Variants in CCNA1 observed in about 807,000 individuals in gnomAD.
CCNA1 encodes the protein cyclin-A1.
CCNA1 carries 23 observed loss-of-function variants against 54.1 expected under a neutral mutation model. That is an observed-to-expected ratio of 0.42 (90% CI 0.31 to 0.60). CCNA1 has a LOEUF of 0.60. Ranked by LOEUF, CCNA1 falls within the 20% of genes least tolerant of loss-of-function variation. CCNA1 has a pLI of 0.14. For synonymous variants in CCNA1, 208 were observed against 213.9 expected, an observed-to-expected ratio of 0.97 and a Z score of 0.24; for missense variants, 450 against 556.7, an observed-to-expected ratio of 0.81 and a Z score of 1.93.
intron 2 of CCNA1, 150 bp from the exon 3 acceptor site, chr13:36,437,479 C>CG: frequency 3.3e-5 from 25 of 764,658 alleles, no homozygotes; most frequent in Non-Finnish European, 5.4e-5. Context: ...CTTTTGAAGA[C>CG]CTTTTTTTTT....
rs2137828948 is a variant in CCNA1, at chr13:36,438,815, G to A, written c.841G>A (p.Val281Ile). 1.2e-6 allele frequency: 2 copies of A among 1,614,130 alleles called. No individual in the cohort carries two copies. The highest frequency in any genetic ancestry group is 1.7e-6 in the Non-Finnish European group (2 of 1,180,004). ...GGACAGGTTCCTTTCATGTATGTCT[G>A]TTCTGAGAGGGAAACTGCAGCTCGT... The change falls in exon 5 of 9, where the codon GTT becomes ATT. Residue 281 changes from valine (V) to isoleucine (I), a missense_variant. This residue lies in a region of CCNA1 where 150 missense variants were observed against 219.7 expected (regional missense o/e 0.68). Transcript: ENST00000255465.
chr13:36,435,400 C>T (rs2055790993), intron 2 of CCNA1, among the ~76,000 whole-genome samples: 1 of 152,202 alleles, frequency 6.6e-6, no homozygotes, highest in Non-Finnish European at 1.5e-5. Flanking sequence ...GATGAATGTT[C>T]TCTGTCTCTA....
chr13:36,440,329 A>C, intron 6 of CCNA1, 146 bp downstream of exon 6: 1 of 713,580 alleles, frequency 1.4e-6, no homozygotes, highest in Non-Finnish European at 2.3e-6. Context: ...AAAAGAGCTA[A>C]TTTTAAGAAC....
intron 2 of CCNA1, among the ~76,000 whole-genome samples, chr13:36,434,367 G>C (rs2055775093): frequency 6.6e-6 from 1 of 152,208 alleles, no homozygotes; most frequent in African/African-American, 2.4e-5. Context: ...AACTAGATTA[G>C]AAGCCTCTCA....
Position 36,433,071 on chromosome 13 carries a change from C to T in CCNA1, c.147C>T (p.Asn49=). 2 of 1,614,142 alleles carry T rather than the reference C, an allele frequency of 1.2e-6. No individual in the cohort carries two copies. The highest frequency in any genetic ancestry group is 8.5e-7 in the Non-Finnish European group (1 of 1,179,978). Residue 49 remains asparagine (N), a synonymous_variant, in exon 2 of 9, where the codon AAC becomes AAT. Coordinates refer to ENST00000255465, the MANE Select transcript of CCNA1 (RefSeq NM_003914.4). ...AGTCTGAAGCAATGCACTGCAGCAA[C>T]CCCAAGAGTGGAGTTGTGCTGGCTA...
chr13:36,432,440 GC>G (rs1158275224), upstream of CCNA1: 21 of 65,302 alleles, frequency 3.2e-4, no homozygotes, highest in East Asian at 0.013. Context: ...ACCCTGCCCC[GC>G]CCTGCCCCGC....
At position 36,432,678 on chromosome 13, in the gene CCNA1, A is replaced by T. The variant is rs1246919695; in HGVS notation, c.57A>T (p.Gly19=). 1 of 1,612,718 alleles carries T rather than the reference A, an allele frequency of 6.2e-7. No individual in the cohort carries two copies. Among genetic ancestry groups the T allele is most frequent in the East Asian group, 2.2e-5 (1 of 44,860 alleles). The stretch of plus-strand genomic sequence containing the variant: ...CTGGATCTTTTATTGGGGGCTGGGG[A>T]GAAGAGTATCTCAGCTGGGAAGGAC... Residue 19 remains glycine, a synonymous_variant, in exon 1 of 9, where the codon GGA becomes GGT. Coordinates refer to ENST00000255465, the MANE Select transcript of CCNA1 (RefSeq NM_003914.4).
chr13:36,433,360 GATTGATTT>G (rs1323216180), intron 2 of CCNA1, 139 bp downstream of exon 2: 11 of 245,712 alleles, frequency 4.5e-5, no homozygotes, highest in Middle Eastern at 7.4e-4. Context: ...CAGGAAAGTT[GATTGATTT>G]ATTTTCTTTC....
At chr13:36,442,102 C>A (rs2055882191) in intron 7 of CCNA1, 69 bp from the exon 8 acceptor site, 1 of 1,294,988 alleles carries the variant, frequency 7.7e-7, no homozygotes, top group African/African-American at 1.5e-5. Context: ...CCCTTTATTT[C>A]AAATTGGTTA....
At chr13:36,441,043 C>A in intron 6 of CCNA1, 75 bp from the exon 7 acceptor site, 1 of 718,744 alleles carries the variant, frequency 1.4e-6, no homozygotes, top group Non-Finnish European at 2.4e-6. Context: ...CCATTTATTT[C>A]CTTGCCATTT....
At position 36,439,992 on chromosome 13, in the gene CCNA1, A is replaced by T. The variant is rs370143844; in HGVS notation, c.907A>T (p.Ile303Leu). ...TTCCTTTCCCAGGAAATATGAAGAGATATATCCTCCTGAAGTAGACGAGTT... is the reference window on the plus strand; with the variant it reads ...TTCCTTTCCCAGGAAATATGAAGAGTTATATCCTCCTGAAGTAGACGAGTT... Residue 303 changes from isoleucine (I) to leucine (L), a missense_variant, in exon 6 of 9, where the codon ATA (isoleucine) becomes TTA (leucine). Physicochemically the swap from Ile to Leu is conservative, Grantham distance 5. This residue lies in a region of CCNA1 where 150 missense variants were observed against 219.7 expected (regional missense o/e 0.68). Transcript: ENST00000255465. 7 of 1,609,090 alleles carry T rather than the reference A, an allele frequency of 4.4e-6. No homozygotes were observed. The African/African-American group carries it at 6.7e-5, about 15-fold the overall frequency.
chr13:36,441,370 G>A (rs1002775610), intron 7 of CCNA1, 139 bp downstream of exon 7: 9 of 573,780 alleles, frequency 1.6e-5, no homozygotes, highest in Middle Eastern at 5.7e-4. Flanking sequence ...TTCCAGGTCA[G>A]TCATGATGGC....
chr13:36,442,740 G>A lies in CCNA1; in HGVS notation c.*75G>A, dbSNP rs962402494. 2.3e-5 allele frequency: 27 copies of A among 1,188,490 alleles called. No individual in the cohort carries two copies. The highest frequency in any genetic ancestry group is 9.0e-5 in the African/African-American group (6 of 66,782). The allele number at this position is 1,188,490 out of a possible 1,614,324, so 73.6% of individuals were successfully genotyped here. A position where few individuals can be genotyped will look rare whatever the true frequency, so the allele number is the denominator to read the frequency against. The stretch of plus-strand genomic sequence containing the variant: ...CAATAATCGTCATAGGCTTCTGCAC[G>A]TTGGATCAACTAATGTTGTTTACAA... On this transcript the variant is annotated 3_prime_UTR_variant, in exon 9 of 9. Transcript: ENST00000255465.
upstream of CCNA1, chr13:36,432,273 A>G (rs903232098): frequency 4.1e-6 from 1 of 244,554 alleles, no homozygotes; most frequent in Non-Finnish European, 7.7e-6. Context: ...GGCCGATTCA[A>G]CAGACGCGGG....
chr13:36,433,145 T>C lies in CCNA1; in HGVS notation c.221T>C (p.Leu74Pro), dbSNP rs1593318873. The C allele has an allele frequency of 6.2e-7, 1 of 1,614,182 alleles. No individual in the cohort carries two copies. Among genetic ancestry groups the C allele is most frequent in the Non-Finnish European group, 8.5e-7 (1 of 1,180,036 alleles). ...TGTCAGATACTCACCAGAGCCCCGC[T>C]GGGCCAGGATCCCCCGCAGAGGACA... Residue 74 changes from leucine (L) to proline (P), a missense_variant, in exon 2 of 9, where the codon CTG (leucine) becomes CCG (proline). Coordinates refer to ENST00000255465, the MANE Select transcript of CCNA1 (RefSeq NM_003914.4).
rs2055859477 is a variant in CCNA1 at position 36,440,242 on chromosome 13, T to C, written c.1098+59T>C. The C allele has an allele frequency of 2.2e-6, 3 of 1,378,348 alleles. No homozygotes were observed. In the Admixed American group the frequency reaches 5.4e-5, roughly 25 times the overall value. The allele number at this position is 1,378,348 out of a possible 1,614,324, so 85.4% of individuals were successfully genotyped here. A position where few individuals can be genotyped will look rare whatever the true frequency, so the allele number is the denominator to read the frequency against. ...GTGCCAAGGAGCGTAAAAATCAACC[T>C]TTCCCAATCATCCTTCAGTTCTTTT... On this transcript the variant is annotated intron_variant, in intron 6 of 8. Coordinates refer to ENST00000255465, the MANE Select transcript of CCNA1 (RefSeq NM_003914.4).
chr13:36,431,779 G>T (rs1278670677), upstream of CCNA1: 1 of 152,528 alleles, frequency 6.6e-6, no homozygotes, highest in East Asian at 1.9e-4. Context: ...AAGCGTAGGT[G>T]TGTGAGCCGA....
At position 36,441,146 on chromosome 13, in the gene CCNA1, C is replaced by G. The variant is rs1342829438; in HGVS notation, c.1127C>G (p.Ala376Gly). 1 of 1,610,320 alleles carries G rather than the reference C, an allele frequency of 6.2e-7. No individual in the cohort carries two copies. Among genetic ancestry groups the G allele is most frequent in the African/African-American group, 1.3e-5 (1 of 74,856 alleles). Residue 376 changes from alanine to glycine, a missense_variant, in exon 7 of 9, where the codon GCA becomes GGA. Around this residue, in one of 6 missense-constraint regions of CCNA1, gnomAD observed 22 missense variants for 52.7 expected, o/e 0.42. Coordinates refer to ENST00000255465, the MANE Select transcript of CCNA1 (RefSeq NM_003914.4). ...GTAGCAGAGCTGAGTCTACTTGAAG[C>G]AGATCCATTCTTGAAATATCTTCCT...
At chr13:36,442,547 G>A in intron 8 of CCNA1, 67 bp from the exon 9 acceptor site, 1 of 1,530,462 alleles carries the variant, frequency 6.5e-7, no homozygotes, top group Non-Finnish European at 9.0e-7. Context: ...AAAGTTTTCT[G>A]TGACCTGAGA....
Sources: gnomAD v4.1 joint callset for allele counts (sites outside exome capture counted in the v4.1 genomes callset) on GRCh38, gnomAD v4.1.1 for gene constraint, gnomAD v4.1.1 regional missense constraint, MANE v1.5 for transcripts, NCBI Gene and HGNC (gene_info 2026-07-23, HGNC 2026-07-21) for gene names.